PHACTR1: variants seen among roughly 807,000 people sequenced by gnomAD.
PHACTR1 encodes phosphatase and actin regulator 1, also known as RPEL repeat containing 1.
In PHACTR1, 16 loss-of-function variants were observed where a neutral mutation model predicts 69.2. The observed-to-expected ratio is 0.23, with a 90% CI of 0.16 to 0.35. PHACTR1 has a LOEUF of 0.35. PHACTR1 is among the 10% of genes least tolerant of loss of function. The pLI is 1.00. For missense variants in PHACTR1, 510 were observed against 734.7 expected (o/e 0.69, Z 3.54); for synonymous variants, 312 against 284.5 (o/e 1.10, Z -0.97).
At chr6:12,977,450 G>A in intron 4 of PHACTR1, among the ~76,000 whole-genome samples, 1 of 151,330 alleles carries the variant, frequency 6.6e-6, no homozygotes, top group Non-Finnish European at 1.5e-5. Context: ...CAACTATCTA[G>A]GACCCATTTC....
intron 5 of PHACTR1, among the ~76,000 whole-genome samples, chr6:13,111,131 A>C (rs1816974599): frequency 6.6e-6 from 1 of 152,204 alleles, no homozygotes; most frequent in Non-Finnish European, 1.5e-5. Flanking sequence ...TCCATAGGAT[A>C]AAATGAAATT....
intron 4 of PHACTR1, among the ~76,000 whole-genome samples, chr6:12,846,975 AT>A (rs531412355): frequency 3.0e-4 from 42 of 140,210 alleles, no homozygotes; most frequent in Middle Eastern, 3.7e-3. Context: ...CACCCTGCTA[AT>A]TTTTTTCTTT....
intron 6 of PHACTR1, among the ~76,000 whole-genome samples, chr6:13,168,904 G>C (rs753685247): frequency 6.6e-6 from 1 of 152,152 alleles, no homozygotes; most frequent in Non-Finnish European, 1.5e-5. Context: ...TTCATCTTGA[G>C]AACAGTGAGG....
intron 3 of PHACTR1, among the ~76,000 whole-genome samples, chr6:12,738,494 T>C (rs2127581802): frequency 6.6e-6 from 1 of 152,342 alleles, no homozygotes; most frequent in South Asian, 2.1e-4. Context: ...TTTACTATGA[T>C]GGCTGCAAAC....
chr6:12,758,578 T>C (rs1362625034), intron 4 of PHACTR1, among the ~76,000 whole-genome samples: 1 of 151,958 alleles, frequency 6.6e-6, no homozygotes, highest in Non-Finnish European at 1.5e-5. Context: ...ATTATCCTAA[T>C]TTTATCCACG....
intron 4 of PHACTR1, among the ~76,000 whole-genome samples, chr6:12,910,360 T>C (rs1287915333): frequency 6.6e-6 from 1 of 152,156 alleles, no homozygotes. Flanking sequence ...TGTCTAGTGA[T>C]AGGTGTCCAA....
chr6:12,785,744 T>G (rs558238150), intron 4 of PHACTR1, among the ~76,000 whole-genome samples: 5 of 152,380 alleles, frequency 3.3e-5, no homozygotes, highest in Admixed American at 3.3e-4. Context: ...AAACTGTTTT[T>G]GCTTTGCTAA....
At chr6:13,171,202 C>T (rs1004831433) in intron 6 of PHACTR1, among the ~76,000 whole-genome samples, 1 of 151,372 alleles carries the variant, frequency 6.6e-6, no homozygotes, top group African/African-American at 2.4e-5. Flanking sequence ...CAAGTAGAGC[C>T]GAGATCCACT....
At chr6:13,062,735 G>A (rs1207989924) in intron 5 of PHACTR1, among the ~76,000 whole-genome samples, 2 of 152,156 alleles carry the variant, frequency 1.3e-5, no homozygotes, top group Non-Finnish European at 2.9e-5. Context: ...TTGGAGTAGA[G>A]AAATAAACCC....
intron 10 of PHACTR1, among the ~76,000 whole-genome samples, chr6:13,259,972 A>T (rs1478784224): frequency 1.3e-5 from 2 of 152,200 alleles, no homozygotes; most frequent in African/African-American, 2.4e-5. Flanking sequence ...ACTGCTGTTC[A>T]GCCCTCCCAG....
At chr6:12,788,780 G>A (rs1022219522) in intron 4 of PHACTR1, among the ~76,000 whole-genome samples, 1 of 152,188 alleles carries the variant, frequency 6.6e-6, no homozygotes, top group African/African-American at 2.4e-5. Context: ...AATAATTCTG[G>A]AGGGAGATAA....
At chr6:13,118,107 G>A (rs7744129) in intron 5 of PHACTR1, among the ~76,000 whole-genome samples, 38,806 of 152,134 alleles carry the variant, frequency 0.26, 5,134 homozygotes, top group South Asian at 0.46. Context: ...TAAAGCTTCC[G>A]AGAAATATTT....
At chr6:13,192,536 G>A (rs1279302057) in intron 7 of PHACTR1, among the ~76,000 whole-genome samples, 1 of 152,162 alleles carries the variant, frequency 6.6e-6, no homozygotes, top group Non-Finnish European at 1.5e-5. Context: ...TTTGTAGAAG[G>A]AAGTTAGCAT....
intron 4 of PHACTR1, among the ~76,000 whole-genome samples, chr6:12,807,142 T>C (rs1027992689): frequency 6.6e-6 from 1 of 152,224 alleles, no homozygotes; most frequent in Non-Finnish European, 1.5e-5. Flanking sequence ...TGTGCTTTCA[T>C]AGATTTTTCA....
At chr6:13,007,178 A>T (rs1798890062) in intron 4 of PHACTR1, among the ~76,000 whole-genome samples, 1 of 152,138 alleles carries the variant, frequency 6.6e-6, no homozygotes, top group Non-Finnish European at 1.5e-5. Flanking sequence ...TTATTGCTTG[A>T]CTTCCCAGCT....
At chr6:12,851,507 A>C (rs534234323) in intron 4 of PHACTR1, among the ~76,000 whole-genome samples, 1 of 152,338 alleles carries the variant, frequency 6.6e-6, no homozygotes, top group East Asian at 1.9e-4. Flanking sequence ...AGTCTAATGC[A>C]ATAAAAGGTT....
chr6:12,777,305 G>A (rs967440814), intron 4 of PHACTR1, among the ~76,000 whole-genome samples: 8 of 151,314 alleles, frequency 5.3e-5, no homozygotes, highest in Non-Finnish European at 1.0e-4. Flanking sequence ...GGTACATTGT[G>A]TGTCACAGGG....
At chr6:13,268,394 G>A (rs1174151377) in intron 10 of PHACTR1, among the ~76,000 whole-genome samples, 1 of 152,052 alleles carries the variant, frequency 6.6e-6, no homozygotes, top group East Asian at 1.9e-4. Flanking sequence ...ACAAAATATT[G>A]GCCACCCTTC....
At chr6:13,078,741 A>G (rs1329224101) in intron 5 of PHACTR1, among the ~76,000 whole-genome samples, 1 of 152,214 alleles carries the variant, frequency 6.6e-6, no homozygotes, top group East Asian at 1.9e-4. Flanking sequence ...TCTTCTGAGT[A>G]ATAGTAATCC....
Sources: gnomAD v4.1 joint callset for allele counts (sites outside exome capture counted in the v4.1 genomes callset) on GRCh38, gnomAD v4.1.1 for gene constraint, MANE v1.5 for transcripts, NCBI Gene and HGNC (gene_info 2026-07-23, HGNC 2026-07-21) for gene names.